The following SOX6 variants were observed in gnomAD, a reference collection of about 807,000 sequenced individuals.
SOX6 encodes the protein transcription factor SOX-6.
Under a neutral mutation model 97.8 loss-of-function variants are expected in SOX6, and 11 were observed. The ratio of observed to expected loss-of-function variants is 0.11; its 90% CI spans 0.07 to 0.19. The LOEUF is 0.19. Among genes scored for constraint, SOX6 ranks in the 10% least tolerant of loss-of-function variants. The probability of loss-of-function intolerance (pLI) is 1.00; values close to 1 mark genes in which losing one functional copy is unlikely to be tolerated. For synonymous variants in SOX6, 360 were observed against 371.4 expected (o/e 0.97, Z 0.35); for missense variants, 810 against 1,039.5 (o/e 0.78, Z 3.04).
Position 16,650,985 on chromosome 11 carries a change from T to C in SOX6, n.430-38725A>G, listed in dbSNP as rs1340447851. ...AGAAATGCAAAAGATCATTCAAGGC[T>C]ACTATGAACACCTTATGCATACAAA... On this transcript the variant is annotated intron_variant and non_coding_transcript_variant, in intron 3 of 5. Transcript: ENST00000524520. Among the ~76,000 whole-genome samples, 4 of 152,078 alleles carry C rather than the reference T, an allele frequency of 2.6e-5. No homozygotes were observed. The East Asian group carries it at 5.8e-4, about 22-fold the overall frequency.
chr11:16,470,319 A>G (rs952282947), intron 1 of SOX6, among the ~76,000 whole-genome samples: 3 of 152,102 alleles, frequency 2.0e-5, no homozygotes, highest in African/African-American at 7.2e-5. Flanking sequence ...ACTTAGACCT[A>G]CTTGTCCTTA....
intron 3 of SOX6, among the ~76,000 whole-genome samples, chr11:16,276,676 A>T (rs1854411051): frequency 6.6e-6 from 1 of 152,236 alleles, no homozygotes; most frequent in South Asian, 2.1e-4. Context: ...AATGCAATCA[A>T]GTCCTAACAT....
At chr11:16,620,646 A>G (rs1361596357) in intron 3 of SOX6, among the ~76,000 whole-genome samples, 3 of 152,216 alleles carry the variant, frequency 2.0e-5, no homozygotes, top group African/African-American at 7.2e-5. Flanking sequence ...CAATAAAACT[A>G]TATATGTCTA....
intron 4 of SOX6, among the ~76,000 whole-genome samples, chr11:16,596,342 G>A (rs1848212921): frequency 6.6e-6 from 1 of 152,204 alleles, no homozygotes; most frequent in African/African-American, 2.4e-5. Flanking sequence ...ACAAAACTGA[G>A]CTAAGAAAGA....
intron 9 of SOX6, among the ~76,000 whole-genome samples, chr11:16,090,589 TAA>T (rs1342309300): frequency 6.6e-6 from 1 of 151,730 alleles, no homozygotes. Flanking sequence ...GTTGTTGACA[TAA>T]AAGAGTGTCT....
chr11:15,982,352 A>C (rs1853681933), intron 15 of SOX6, among the ~76,000 whole-genome samples: 1 of 152,074 alleles, frequency 6.6e-6, no homozygotes, highest in African/African-American at 2.4e-5. Flanking sequence ...ATTTGCAATA[A>C]TCTGTATAAT....
chr11:16,332,679 T>A (rs568721045), intron 2 of SOX6, among the ~76,000 whole-genome samples: 25 of 152,204 alleles, frequency 1.6e-4, no homozygotes, highest in African/African-American at 5.5e-4. Flanking sequence ...TTGTAATTTA[T>A]ACTTTGGAAT....
At chr11:16,045,389 T>G (rs150785033) in intron 12 of SOX6, among the ~76,000 whole-genome samples, 2 of 152,236 alleles carry the variant, frequency 1.3e-5, no homozygotes, top group East Asian at 3.9e-4. Flanking sequence ...AGTCTACTAA[T>G]AGCCTCTCAA....
chr11:16,355,771 T>C (rs934470749), intron 1 of SOX6, among the ~76,000 whole-genome samples: 7 of 152,010 alleles, frequency 4.6e-5, no homozygotes, highest in African/African-American at 7.2e-5. Flanking sequence ...TGATTCCTCA[T>C]AGATAATAGT....
chr11:16,519,507 T>C (rs1430778117), intron 4 of SOX6, among the ~76,000 whole-genome samples: 2 of 152,146 alleles, frequency 1.3e-5, no homozygotes, highest in Non-Finnish European at 2.9e-5. Context: ...TCCATCGATG[T>C]TGCTGCAAAG....
intron 4 of SOX6, among the ~76,000 whole-genome samples, chr11:16,498,512 G>C (rs886926768): frequency 6.6e-6 from 1 of 151,918 alleles, no homozygotes; most frequent in Non-Finnish European, 1.5e-5. Flanking sequence ...ACACAGACTG[G>C]CAAATTGGAT....
chr11:16,228,173 AG>A (rs1339094718), intron 4 of SOX6, among the ~76,000 whole-genome samples: 3 of 148,982 alleles, frequency 2.0e-5, no homozygotes, highest in Admixed American at 2.0e-4. Context: ...ACTCCTGCCT[AG>A]GCGACAGAAC....
At chr11:16,475,364 C>T (rs1477249903) in intron 1 of SOX6, among the ~76,000 whole-genome samples, 1 of 152,158 alleles carries the variant, frequency 6.6e-6, no homozygotes, top group Non-Finnish European at 1.5e-5. Flanking sequence ...ACAAAGTTGT[C>T]ATTCGTAGCT....
At chr11:16,653,813 G>A (rs993916858) in intron 3 of SOX6, among the ~76,000 whole-genome samples, 3 of 152,006 alleles carry the variant, frequency 2.0e-5, no homozygotes, top group African/African-American at 7.2e-5. Context: ...TGCTATTGCT[G>A]TCTAAAGTTT....
intron 4 of SOX6, among the ~76,000 whole-genome samples, chr11:16,493,321 G>A (rs1860539359): frequency 6.6e-6 from 1 of 151,962 alleles, no homozygotes; most frequent in African/African-American, 2.4e-5. Flanking sequence ...TGAAATGAAA[G>A]GATCCAGAAA....
At chr11:16,229,453 T>C (rs1852784391) in intron 4 of SOX6, among the ~76,000 whole-genome samples, 1 of 151,886 alleles carries the variant, frequency 6.6e-6, no homozygotes, top group Admixed American at 6.6e-5. Flanking sequence ...TTAATAGGCA[T>C]ATTGAAAAGC....
intron 2 of SOX6, among the ~76,000 whole-genome samples, chr11:16,321,870 A>T (rs1184122799): frequency 6.6e-6 from 1 of 152,176 alleles, no homozygotes; most frequent in African/African-American, 2.4e-5. Context: ...TCCAGCCATC[A>T]CTTTTTAACT....
chr11:16,168,880 A>G (rs1044237985), intron 6 of SOX6, among the ~76,000 whole-genome samples: 1 of 152,166 alleles, frequency 6.6e-6, no homozygotes, highest in Non-Finnish European at 1.5e-5. Flanking sequence ...TAACCAAGTT[A>G]TCGGTCAGCT....
intron 1 of SOX6, among the ~76,000 whole-genome samples, chr11:16,475,558 C>T (rs1388788051): frequency 6.6e-6 from 1 of 152,116 alleles, no homozygotes; most frequent in Admixed American, 6.6e-5. Context: ...ACACACAATA[C>T]ACACAAGTTT....
Sources: allele counts gnomAD v4.1 joint callset (sites outside exome capture counted in the v4.1 genomes callset), GRCh38; gene constraint gnomAD v4.1.1; transcripts MANE v1.5; gene names NCBI Gene and HGNC (gene_info 2026-07-23, HGNC 2026-07-21).